The following CTNND1 variants were observed in gnomAD, a reference collection of about 807,000 sequenced individuals.
The protein encoded by CTNND1 is catenin delta 1, also known as catenin delta-1.
Under a neutral mutation model 112.1 loss-of-function variants are expected in CTNND1, and 16 were observed. The ratio of observed to expected loss-of-function variants is 0.14; its 90% confidence interval spans 0.10 to 0.22. The LOEUF (loss-of-function observed/expected upper bound fraction) is 0.22. Ranked by LOEUF, CTNND1 falls within the 10% of genes least tolerant of loss-of-function variation. The pLI is 1.00. For missense variants in CTNND1, 1,008 were observed against 1,257.0 expected (o/e 0.80, Z 3.00); for synonymous variants, 420 against 446.5 (o/e 0.94, Z 0.75).
chr11:57,782,124 C>T (rs2059645370), intron 1 of CTNND1, among the ~76,000 whole-genome samples: 1 of 151,258 alleles, frequency 6.6e-6, no homozygotes, highest in Non-Finnish European at 1.5e-5. Context: ...TTTAAGGTAC[C>T]CTGTTGATGT....
chr11:57,789,220 T>C, intron 2 of CTNND1, 65 bp downstream of exon 2: 1 of 1,163,816 alleles, frequency 8.6e-7, no homozygotes, highest in Non-Finnish European at 1.2e-6. Context: ...TGTATTTTTA[T>C]TCCTTTCATG....
intron 9 of CTNND1, among the ~76,000 whole-genome samples, chr11:57,805,073 A>G (rs2062478259): frequency 6.7e-6 from 1 of 150,024 alleles, no homozygotes; most frequent in South Asian, 2.1e-4. Flanking sequence ...TAATTTTTGT[A>G]TTTTTAGTAG....
At chr11:57,811,930 C>G (rs574646981) in intron 17 of CTNND1, among the ~76,000 whole-genome samples, 1 of 152,180 alleles carries the variant, frequency 6.6e-6, no homozygotes, top group Non-Finnish European at 1.5e-5. Flanking sequence ...CATTTTTCCT[C>G]TGAGATGAAT....
chr11:57,796,353 C>A, intron 5 of CTNND1, 104 bp from the exon 6 acceptor site: 2 of 1,146,404 alleles, frequency 1.7e-6, no homozygotes, highest in Non-Finnish European at 2.4e-6. Context: ...CGCCATTGCA[C>A]TCCAGCCAGG....
Position 57,806,473 on chromosome 11 carries a change from C to T in CTNND1, c.1889C>T (p.Ser630Phe). Residue 630 changes from serine to phenylalanine, a missense_variant, in exon 11 of 21, where the codon TCC becomes TTC. Transcript: ENST00000399050. ...GATGCACTGGAAGATGAGTGGTTCT[C>T]CAGAGGTGAGTGGAGTCTTTTAAGG... ...GAKKGKDEWFSRGKKPIEDPA... is the reference protein window; with the variant it reads ...GAKKGKDEWFFRGKKPIEDPA... 15 of 1,603,338 alleles carry T rather than the reference C, an allele frequency of 9.4e-6. No homozygotes were observed. Among genetic ancestry groups the T allele is most frequent in the Non-Finnish European group, 1.3e-5 (15 of 1,174,326 alleles).
At position 57,804,761 on chromosome 11, in the gene CTNND1, A is replaced by G. The variant is rs1290327155; in HGVS notation, c.1703A>G (p.Gln568Arg). The change falls in exon 9 of 21, where the codon CAG becomes CGG. Residue 568 changes from glutamine to arginine, a missense_variant. Coordinates refer to ENST00000399050, the MANE Select transcript of CTNND1 (RefSeq NM_001085458.2). ...TTCATTGTTCAGGCTGAGATTGGGC[A>G]GAAGGATTCAGACAGCAAGGTAAGT... ...LIFIVQAEIG[Q>R]KDSDSKLVEN... 1 of 1,613,710 alleles carries G rather than the reference A, an allele frequency of 6.2e-7. No homozygotes were observed. Among genetic ancestry groups the G allele is most frequent in the Non-Finnish European group, 8.5e-7 (1 of 1,179,680 alleles).
intron 1 of CTNND1, among the ~76,000 whole-genome samples, chr11:57,784,335 C>T (rs955043826): frequency 6.7e-6 from 1 of 149,880 alleles, no homozygotes; most frequent in Non-Finnish European, 1.5e-5. Context: ...CTTGAGCCCA[C>T]GAGGTCCATG....
At chr11:57,771,458 GTA>G (rs1449728754) in intron 1 of CTNND1, among the ~76,000 whole-genome samples, 1 of 152,076 alleles carries the variant, frequency 6.6e-6, no homozygotes, top group Non-Finnish European at 1.5e-5. Flanking sequence ...CATGTGTAAG[GTA>G]TGTTTGAGAG....
chr11:57,797,534 A>G (rs1398689197), intron 6 of CTNND1, among the ~76,000 whole-genome samples: 1 of 36,356 alleles, frequency 2.8e-5, no homozygotes, highest in East Asian at 1.2e-3. Context: ...CCTGGTCCAC[A>G]AGTTGTTTTC....
intron 1 of CTNND1, among the ~76,000 whole-genome samples, chr11:57,783,590 C>T (rs1406074486): frequency 3.3e-5 from 5 of 150,042 alleles, no homozygotes; most frequent in African/African-American, 9.8e-5. Context: ...ACCCGGGAGG[C>T]GGAGCTTGCA....
rs2063848404 is a variant in CTNND1, at chr11:57,815,472, A to G, written c.2780A>G (p.Glu927Gly). ...LDRSGDLGDMEPLKGTTPLMQ... is the reference protein window; with the variant it reads ...LDRSGDLGDMGPLKGTTPLMQ... The stretch of plus-strand genomic sequence containing the variant: ...CGATCGGGGGATCTAGGCGACATGG[A>G]GCCATTGAAGGGAACAACACCCTTG... Residue 927 changes from glutamate to glycine, a missense_variant, in exon 19 of 21, where the codon GAG (glutamate) becomes GGG (glycine). Transcript: ENST00000399050. 2 of 1,612,326 alleles carry G rather than the reference A, an allele frequency of 1.2e-6. No homozygotes were observed. Among genetic ancestry groups the G allele is most frequent in the East Asian group, 4.5e-5 (2 of 44,844 alleles).
chr11:57,794,518 G>A (rs2061131792), intron 4 of CTNND1, among the ~76,000 whole-genome samples: 4 of 152,014 alleles, frequency 2.6e-5, no homozygotes, highest in Admixed American at 2.6e-4. Flanking sequence ...AGGCATGGTG[G>A]CTCATGCCTG....
At chr11:57,797,682 A>C (rs1342615587) in intron 6 of CTNND1, among the ~76,000 whole-genome samples, 1 of 150,572 alleles carries the variant, frequency 6.6e-6, no homozygotes, top group Non-Finnish European at 1.5e-5. Flanking sequence ...GCCTCTACTA[A>C]AAATACAAAA....
In CTNND1 at chr11:57,788,902, C is replaced by A; in HGVS notation, c.-213-135C>A. 1.4e-6 allele frequency: 1 copy of A among 706,458 alleles called. No individual in the cohort carries two copies. Among genetic ancestry groups the A allele is most frequent in the South Asian group, 1.7e-5 (1 of 59,152 alleles). 43.8% of individuals were successfully genotyped at this position (706,458 alleles called of 1,614,324 possible). A position where few individuals can be genotyped will look rare whatever the true frequency, so the allele number is the denominator to read the frequency against. On this transcript the variant is annotated intron_variant, in intron 1 of 20. Transcript: ENST00000399050. The surrounding 1 kb of genome is among the most constrained non-coding windows in gnomAD (Gnocchi z 4.1). ...AACAAGGTCTAAAGGGCACTTGTCA[C>A]ATTAAGCAATTCCAAGTCATATTTT...
rs756862839 is a variant in CTNND1, at chr11:57,811,379, G to C, written c.2551-20G>C. On this transcript the variant is annotated intron_variant, in intron 16 of 20. Coordinates refer to ENST00000399050, the MANE Select transcript of CTNND1 (RefSeq NM_001085458.2). ...GAATTCAGTATTCTGTCACATTGTC[G>C]CATTTGTGTTTGCCTCTAGGTGAAT... is the stretch of plus-strand genomic sequence containing the variant. 2 of 1,587,542 alleles carry C rather than the reference G, an allele frequency of 1.3e-6. No individual in the cohort carries two copies. The highest frequency in any genetic ancestry group is 1.1e-5 in the South Asian group (1 of 90,014).
intron 1 of CTNND1, among the ~76,000 whole-genome samples, chr11:57,776,208 T>C (rs2136189961): frequency 6.6e-6 from 1 of 152,282 alleles, no homozygotes; most frequent in South Asian, 2.1e-4. Flanking sequence ...TATTAAGTGT[T>C]TGATGTGAGT....
intron 3 of CTNND1, 80 bp downstream of exon 3, chr11:57,791,753 C>T: frequency 1.4e-6 from 2 of 1,425,358 alleles, no homozygotes; most frequent in Non-Finnish European, 1.9e-6. Context: ...TGGGAAGCTA[C>T]TCTCCTTTTG....
At position 57,773,082 on chromosome 11, in the gene CTNND1, C is replaced by T. The variant is rs540805070; in HGVS notation, c.-214+10963C>T. ...AATAATCCAGGCAATCAGAGATTAC[C>T]CAAAATTTTGAAATTGTTTTAAACA... On this transcript the variant is annotated intron_variant, in intron 1 of 20. Transcript: ENST00000399050. Among the ~76,000 whole-genome samples the T allele has an allele frequency of 1.3e-3, 205 of 151,948 alleles. 1 individual carries two copies. Among genetic ancestry groups the T allele is most frequent in the Non-Finnish European group, 2.3e-3 (155 of 68,022 alleles).
At chr11:57,771,763 A>G (rs993299226) in intron 1 of CTNND1, among the ~76,000 whole-genome samples, 22 of 151,782 alleles carry the variant, frequency 1.4e-4, no homozygotes, top group Non-Finnish European at 2.2e-4. Context: ...ACCTGACCCA[A>G]CCTCCATATT....
Sources: gnomAD v4.1 joint callset for allele counts (sites outside exome capture counted in the v4.1 genomes callset) on GRCh38, gnomAD v4.1.1 for gene constraint, Gnocchi (gnomAD v3.1) non-coding constraint, MANE v1.5 for transcripts, NCBI Gene and HGNC (gene_info 2026-07-23, HGNC 2026-07-21) for gene names.